Variants in KCMF1 observed in about 807,000 individuals in gnomAD.
KCMF1 encodes E3 ubiquitin-protein ligase KCMF1.
KCMF1 carries 3 observed loss-of-function variants against 41.1 expected under a neutral mutation model. That is an observed-to-expected ratio of 0.07 (90% CI 0.03 to 0.19). The LOEUF (loss-of-function observed/expected upper bound fraction) is 0.19, where lower values mean the gene tolerates loss of function less well. KCMF1 is among the 10% of genes least tolerant of loss of function. The pLI is 1.00. For missense variants in KCMF1, 286 were observed against 488.9 expected (o/e 0.58, Z 3.91); for synonymous variants, 142 against 164.5 (o/e 0.86, Z 1.04).
intron 1 of KCMF1, among the ~76,000 whole-genome samples, chr2:84,996,525 T>C (rs1674180549): frequency 7.0e-6 from 1 of 142,812 alleles, no homozygotes; most frequent in Non-Finnish European, 1.5e-5. Flanking sequence ...AACCTCCGCC[T>C]CCTGGGTTCA....
chr2:85,027,366 C>CTTTT lies in KCMF1; in HGVS notation c.17-498_17-495dup, dbSNP rs934531367. On this transcript the variant is annotated intron_variant, in intron 1 of 6. Coordinates refer to ENST00000409785, the MANE Select transcript of KCMF1 (RefSeq NM_020122.5). ...TTACCTTCTTGCTGGCTTATCAAGGCTTTTTTTTTTTTTTTTTTTTTTTTT... is the reference window on the plus strand; with the variant it reads ...TTACCTTCTTGCTGGCTTATCAAGGCTTTTTTTTTTTTTTTTTTTTTTTTTTTTT... 6.4e-4 allele frequency among the ~76,000 whole-genome samples: 42 copies of CTTTT among 65,736 alleles called. 6 individuals carry two copies. The highest frequency in any genetic ancestry group is 1.1e-3 in the Admixed American group (6 of 5,620). The allele number at this position is 65,736 out of a possible 152,430, so 43.1% of individuals were successfully genotyped here.
rs185933212 is a variant in KCMF1, at chr2:84,981,242, C to T, written c.16+9775C>T. Among the ~76,000 whole-genome samples, 1,140 of 150,368 alleles carry T rather than the reference C, an allele frequency of 7.6e-3. 18 individuals carry two copies. Among genetic ancestry groups the T allele is most frequent in the African/African-American group, 0.025 (1,016 of 40,820 alleles). ...TCTCACTCTGTTGCCCAGGCTGGAG[C>T]GCAGTGGTGCAATCTCGGCTCACTG... On this transcript the variant is annotated intron_variant, in intron 1 of 6. Coordinates refer to ENST00000409785, the MANE Select transcript of KCMF1 (RefSeq NM_020122.5).
intron 2 of KCMF1, among the ~76,000 whole-genome samples, chr2:85,032,178 T>C (rs543441835): frequency 2.0e-5 from 3 of 152,110 alleles, no homozygotes; most frequent in African/African-American, 7.2e-5. Context: ...TGTTGGTTGG[T>C]TGGTTTTCTT....
intron 3 of KCMF1, among the ~76,000 whole-genome samples, chr2:85,040,273 T>C (rs150435111): frequency 5.3e-5 from 8 of 152,336 alleles, no homozygotes; most frequent in African/African-American, 1.7e-4. Context: ...AGTGGAAGTA[T>C]GATAAATATT....
chr2:85,005,764 C>T (rs911168340), intron 1 of KCMF1, among the ~76,000 whole-genome samples: 1 of 152,126 alleles, frequency 6.6e-6, no homozygotes, highest in East Asian at 1.9e-4. Context: ...CCCATCTTGG[C>T]CTCACAAAAT....
rs1323104042 is a variant in KCMF1, at chr2:85,057,013, A to G, written c.*3604A>G. 1.3e-5 allele frequency: 2 copies of G among 151,942 alleles called. No individual in the cohort carries two copies. Among genetic ancestry groups the G allele is most frequent in the African/African-American group, 4.8e-5 (2 of 41,358 alleles). 9.4% of individuals were successfully genotyped at this position (151,942 alleles called of 1,614,324 possible). A position where few individuals can be genotyped will look rare whatever the true frequency, so the allele number is the denominator to read the frequency against. ...AGCATAGTGAAACCCCATCTCTACTAAAAAATACAAAAAGTTAGCTGGGCA... is the reference window on the plus strand; with the variant it reads ...AGCATAGTGAAACCCCATCTCTACTGAAAAATACAAAAAGTTAGCTGGGCA... On this transcript the variant is annotated 3_prime_UTR_variant, in exon 7 of 7. Coordinates refer to ENST00000409785, the MANE Select transcript of KCMF1 (RefSeq NM_020122.5).
At chr2:84,986,350 G>A (rs1239052119) in intron 1 of KCMF1, among the ~76,000 whole-genome samples, 1 of 152,178 alleles carries the variant, frequency 6.6e-6, no homozygotes, top group Non-Finnish European at 1.5e-5. Flanking sequence ...TTATTTGGGT[G>A]TCAGAGAAGA....
At chr2:85,036,895 T>C (rs1241730221) in intron 3 of KCMF1, among the ~76,000 whole-genome samples, 24 of 150,994 alleles carry the variant, frequency 1.6e-4, no homozygotes, top group Non-Finnish European at 1.5e-5. Context: ...GTTATTATTA[T>C]CAGCCAATAG....
intron 3 of KCMF1, among the ~76,000 whole-genome samples, chr2:85,036,656 G>T (rs2104043514): frequency 6.6e-6 from 1 of 151,976 alleles, no homozygotes; most frequent in Middle Eastern, 3.4e-3. Flanking sequence ...GCTGGACGTG[G>T]TGGCACATAC....
chr2:85,026,670 TG>T (rs768415415), intron 1 of KCMF1, among the ~76,000 whole-genome samples: 21 of 151,790 alleles, frequency 1.4e-4, no homozygotes, highest in Non-Finnish European at 2.4e-4. Context: ...TAAATTTTTT[TG>T]TAGACAGGAT....
At chr2:85,004,735 G>A (rs145280731) in intron 1 of KCMF1, among the ~76,000 whole-genome samples, 1 of 152,194 alleles carries the variant, frequency 6.6e-6, no homozygotes, top group East Asian at 1.9e-4. Context: ...TACCGGTCAT[G>A]CCTCAGTCTT....
rs869089697 is a variant in KCMF1 at position 84,996,430 on chromosome 2, A to ATTTTTTTT, written c.16+24978_16+24985dup. Among the ~76,000 whole-genome samples, 236 of 124,046 alleles carry ATTTTTTTT rather than the reference A, an allele frequency of 1.9e-3. 8 individuals carry two copies. The highest frequency in any genetic ancestry group is 7.4e-3 in the African/African-American group (223 of 30,272). 81.4% of individuals were successfully genotyped at this position (124,046 alleles called of 152,430 possible). ...ATACTTTATACCTAAATAACCTAAGATTTTTTTTTTTTTTTTTTTTTTGAG... is the reference window on the plus strand; with the variant it reads ...ATACTTTATACCTAAATAACCTAAGATTTTTTTTTTTTTTTTTTTTTTTTTTTTTTGAG... On this transcript the variant is annotated intron_variant, in intron 1 of 6. Coordinates refer to ENST00000409785, the MANE Select transcript of KCMF1 (RefSeq NM_020122.5).
intron 1 of KCMF1, among the ~76,000 whole-genome samples, chr2:84,982,929 C>G (rs56213927): frequency 6.6e-6 from 1 of 152,128 alleles, no homozygotes; most frequent in Non-Finnish European, 1.5e-5. Context: ...TTTCTCTTCT[C>G]TAGGAAAACT....
At chr2:85,034,272 A>G (rs1474493355) in intron 2 of KCMF1, among the ~76,000 whole-genome samples, 2 of 152,150 alleles carry the variant, frequency 1.3e-5, no homozygotes, top group African/African-American at 4.8e-5. Flanking sequence ...TAAAAGCAGC[A>G]TGTTCTATAG....
At chr2:84,995,986 G>A (rs560656482) in intron 1 of KCMF1, among the ~76,000 whole-genome samples, 1 of 152,330 alleles carries the variant, frequency 6.6e-6, no homozygotes, top group African/African-American at 2.4e-5. Flanking sequence ...CAGACATGTT[G>A]TATTGAAGTT....
chr2:84,996,441 T>C (rs1674177564), intron 1 of KCMF1, among the ~76,000 whole-genome samples: 1 of 148,468 alleles, frequency 6.7e-6, no homozygotes, highest in Admixed American at 6.7e-5. Flanking sequence ...TTTTTTTTTT[T>C]TTTTTTTTTT....
At chr2:84,990,498 T>C (rs1404530347) in intron 1 of KCMF1, among the ~76,000 whole-genome samples, 1 of 152,008 alleles carries the variant, frequency 6.6e-6, no homozygotes, top group Non-Finnish European at 1.5e-5. Context: ...TGATAAATAT[T>C]CTGAAGAAAA....
chr2:85,026,835 T>C (rs1393801134), intron 1 of KCMF1, among the ~76,000 whole-genome samples: 3 of 152,248 alleles, frequency 2.0e-5, no homozygotes, highest in South Asian at 2.1e-4. Context: ...AATTCTGATA[T>C]GAACTCATGA....
intron 1 of KCMF1, among the ~76,000 whole-genome samples, chr2:84,975,140 C>T (rs1358655501): frequency 1.3e-5 from 2 of 152,010 alleles, no homozygotes; most frequent in African/African-American, 4.8e-5. Context: ...TGGTGGCTCA[C>T]GCTGAGGCAG....
Sources: allele counts gnomAD v4.1 joint callset (sites outside exome capture counted in the v4.1 genomes callset), GRCh38; gene constraint gnomAD v4.1.1; transcripts MANE v1.5; gene names NCBI Gene and HGNC (gene_info 2026-07-23, HGNC 2026-07-21).